PCP4: variants seen among roughly 807,000 people sequenced by gnomAD.
PCP4 encodes calmodulin regulator protein PCP4.
PCP4 carries 8 observed loss-of-function variants against 10.0 expected under a neutral mutation model. The ratio of observed to expected loss-of-function variants is 0.80; its 90% CI spans 0.47 to 1.45. PCP4 has a LOEUF of 1.45. Among genes scored for constraint, PCP4 ranks in the 40% most tolerant of loss-of-function variants. The probability of loss-of-function intolerance (pLI) is 0.00; values close to 1 mark genes in which losing one functional copy is unlikely to be tolerated. For missense variants in PCP4, 54 were observed against 74.4 expected (o/e 0.73, Z 1.01); for synonymous variants, 21 against 23.0 (o/e 0.91, Z 0.24).
chr21:39,921,750 C>A (rs745812347), intron 2 of PCP4, among the ~76,000 whole-genome samples: 15 of 152,190 alleles, frequency 9.9e-5, no homozygotes, highest in Non-Finnish European at 1.0e-4. Context: ...GAAACCACAC[C>A]TGCTAACACC....
intron 1 of PCP4, among the ~76,000 whole-genome samples, chr21:39,886,624 A>G (rs2276521): frequency 0.67 from 101,664 of 152,062 alleles, 35,899 homozygotes; most frequent in African/African-American, 0.91. Flanking sequence ...ACAAGTGACA[A>G]GTATGAAATA....
intron 2 of PCP4, among the ~76,000 whole-genome samples, chr21:39,907,423 T>C (rs1490694508): frequency 1.3e-5 from 2 of 152,278 alleles, no homozygotes; most frequent in East Asian, 3.9e-4. Flanking sequence ...CAGGGAGGCC[T>C]ATCTGGAGGA....
At chr21:39,879,051 G>T (rs142898088) in intron 1 of PCP4, among the ~76,000 whole-genome samples, 2 of 150,518 alleles carry the variant, frequency 1.3e-5, no homozygotes, top group Admixed American at 6.6e-5. Flanking sequence ...GTGCAATGGC[G>T]CTATCTTAGC....
At chr21:39,894,889 C>T (rs572454742) in intron 1 of PCP4, among the ~76,000 whole-genome samples, 49 of 152,276 alleles carry the variant, frequency 3.2e-4, no homozygotes, top group African/African-American at 1.1e-3. Flanking sequence ...GAAAAGGCAG[C>T]CTCTTCCCGA....
rs1156325642 is a variant in PCP4, at chr21:39,906,850, C to A, written c.61+8323C>A. Among the ~76,000 whole-genome samples the A allele has an allele frequency of 6.6e-6, 1 of 152,160 alleles. No homozygotes were observed. The highest frequency in any genetic ancestry group is 2.4e-5 in the African/African-American group (1 of 41,444). The stretch of plus-strand genomic sequence containing the variant: ...CATCCCTCTAGCCTTTGGAAACCTG[C>A]CCCAAGCAGGAGATATTCCAGGTTT... On this transcript the variant is annotated intron_variant, in intron 2 of 2. Transcript: ENST00000328619. The surrounding 1 kb of genome is among the most constrained non-coding windows in gnomAD (Gnocchi z 6.3).
chr21:39,885,759 T>G (rs1441981456), intron 1 of PCP4, among the ~76,000 whole-genome samples: 1 of 152,258 alleles, frequency 6.6e-6, no homozygotes, highest in Non-Finnish European at 1.5e-5. Context: ...AGCCAGACTT[T>G]GCCCGGCTTT....
At chr21:39,889,080 C>T (rs928223511) in intron 1 of PCP4, among the ~76,000 whole-genome samples, 10 of 152,168 alleles carry the variant, frequency 6.6e-5, no homozygotes, top group African/African-American at 1.4e-4. Context: ...CGAGAGGGAA[C>T]GCCTCTGTGA....
At chr21:39,918,213 G>GT (rs1474999309) in intron 2 of PCP4, among the ~76,000 whole-genome samples, 1 of 152,150 alleles carries the variant, frequency 6.6e-6, no homozygotes, top group African/African-American at 2.4e-5. Context: ...ATTATACCTT[G>GT]TTTTTTTGTG....
intron 2 of PCP4, among the ~76,000 whole-genome samples, chr21:39,901,169 T>G (rs2087480685): frequency 6.8e-6 from 1 of 148,138 alleles, no homozygotes; most frequent in African/African-American, 2.5e-5. Context: ...CACTGCTCAC[T>G]TGTGAGAGTA....
chr21:39,884,036 C>T (rs1037145754), intron 1 of PCP4, among the ~76,000 whole-genome samples: 8 of 152,198 alleles, frequency 5.3e-5, no homozygotes, highest in Non-Finnish European at 1.2e-4. Flanking sequence ...CACACAGCTG[C>T]TGGGGACCAG....
intron 2 of PCP4, among the ~76,000 whole-genome samples, chr21:39,915,827 G>C (rs2087566146): frequency 6.6e-6 from 1 of 152,190 alleles, no homozygotes; most frequent in Non-Finnish European, 1.5e-5. Flanking sequence ...AAGGAGGCTG[G>C]AAACTGTTTT....
chr21:39,877,893 A>T (rs894335930), intron 1 of PCP4, among the ~76,000 whole-genome samples: 3 of 152,324 alleles, frequency 2.0e-5, no homozygotes, highest in Non-Finnish European at 4.4e-5. Flanking sequence ...AATTTTTAGA[A>T]AACATTTGTC....
chr21:39,919,823 T>C (rs1011245962), intron 2 of PCP4, among the ~76,000 whole-genome samples: 12 of 150,684 alleles, frequency 8.0e-5, no homozygotes, highest in African/African-American at 2.7e-4. Flanking sequence ...GTGTGTGGTA[T>C]GTTTGTGTGT....
intron 2 of PCP4, among the ~76,000 whole-genome samples, chr21:39,923,121 AT>A (rs2087604610): frequency 6.6e-6 from 1 of 152,200 alleles, no homozygotes; most frequent in African/African-American, 2.4e-5. Context: ...AATACAAGTA[AT>A]GACAACTGTG....
chr21:39,910,067 A>G (rs1476228218), intron 2 of PCP4, among the ~76,000 whole-genome samples: 1 of 152,104 alleles, frequency 6.6e-6, no homozygotes, highest in Non-Finnish European at 1.5e-5. Flanking sequence ...AGCCTTCTTC[A>G]ATATTTCTAA....
chr21:39,872,034 T>C (rs2087322771), intron 1 of PCP4, among the ~76,000 whole-genome samples: 1 of 152,216 alleles, frequency 6.6e-6, no homozygotes, highest in Non-Finnish European at 1.5e-5. Context: ...AGTCTCTCTC[T>C]CTTGCCCAGG....
In PCP4 at chr21:39,872,984, A is replaced by G. The variant is rs78884369; in HGVS notation, c.9+5474A>G. Among the ~76,000 whole-genome samples, 37 of 152,322 alleles carry G rather than the reference A, an allele frequency of 2.4e-4. No homozygotes were observed. In the East Asian group the frequency reaches 7.1e-3, roughly 29 times the overall value. Reference sequence around the variant, plus strand: ...ATGAGAAAAAATAAGAAGGATCTCAACAGAAGGACCTCTTGACATTTGGGA... The same window carrying G: ...ATGAGAAAAAATAAGAAGGATCTCAGCAGAAGGACCTCTTGACATTTGGGA... On this transcript the variant is annotated intron_variant, in intron 1 of 2. Coordinates refer to ENST00000328619, the MANE Select transcript of PCP4 (RefSeq NM_006198.3).
intron 2 of PCP4, among the ~76,000 whole-genome samples, chr21:39,924,812 G>A (rs1395884107): frequency 6.6e-6 from 1 of 152,176 alleles, no homozygotes; most frequent in South Asian, 2.1e-4. Context: ...TGAGATTACC[G>A]GCATGAGCCA....
At chr21:39,909,651 A>G (rs1056428749) in intron 2 of PCP4, among the ~76,000 whole-genome samples, 4 of 152,106 alleles carry the variant, frequency 2.6e-5, no homozygotes, top group Admixed American at 2.6e-4. Context: ...GGGAGGAGGA[A>G]CTGGGAAGTC....
Sources: gnomAD v4.1 joint callset for allele counts (sites outside exome capture counted in the v4.1 genomes callset) on GRCh38, gnomAD v4.1.1 for gene constraint, Gnocchi (gnomAD v3.1) non-coding constraint, MANE v1.5 for transcripts, NCBI Gene and HGNC (gene_info 2026-07-23, HGNC 2026-07-21) for gene names.